RCOR1: variants seen among roughly 807,000 people sequenced by gnomAD.
The protein encoded by RCOR1 is REST corepressor.
In RCOR1, 12 loss-of-function variants were observed where a neutral mutation model predicts 64.0. The observed-to-expected ratio is 0.19, with a 90% CI of 0.12 to 0.30. The LOEUF is 0.30. RCOR1 is among the 10% of genes least tolerant of loss of function. RCOR1 has a pLI of 1.00. For missense variants in RCOR1, 502 were observed against 621.2 expected, an observed-to-expected ratio of 0.81 and a Z score of 2.04; for synonymous variants, 279 against 227.2, an observed-to-expected ratio of 1.23 and a Z score of -2.05.
chr14:102,714,650 A>G (rs1896029345), intron 8 of RCOR1, 33 bp downstream of exon 8: 1 of 1,499,184 alleles, frequency 6.7e-7, no homozygotes, highest in South Asian at 1.2e-5. Flanking sequence ...ATGTAAAAGA[A>G]TTAATTAGCA....
intron 2 of RCOR1, among the ~76,000 whole-genome samples, chr14:102,664,858 C>A (rs992337478): frequency 6.6e-6 from 1 of 152,120 alleles, no homozygotes; most frequent in Non-Finnish European, 1.5e-5. Flanking sequence ...GTATTAAGTA[C>A]AGGCAGTTCT....
rs1257192280 is a variant in RCOR1 at position 102,592,682 on chromosome 14, A to G, written c.-205A>G. ...TGAAGTGAGGGCGGCGATGAGAGCG[A>G]AAGTTGCGCTCGGCTCGTCGCTGGG... On this transcript the variant is annotated 5_prime_UTR_variant, in exon 1 of 12. Transcript: ENST00000262241. The G allele has an allele frequency of 9.0e-6, 11 of 1,223,592 alleles. No individual in the cohort carries two copies. The highest frequency in any genetic ancestry group is 8.3e-5 in the South Asian group (2 of 24,172). The allele number at this position is 1,223,592 out of a possible 1,614,324, so 75.8% of individuals were successfully genotyped here.
chr14:102,629,526 C>T (rs919185945), intron 2 of RCOR1, among the ~76,000 whole-genome samples: 1 of 149,932 alleles, frequency 6.7e-6, no homozygotes, highest in Non-Finnish European at 1.5e-5. Flanking sequence ...TTTAAAAATA[C>T]GGACGGAATT....
intron 2 of RCOR1, among the ~76,000 whole-genome samples, chr14:102,658,138 C>A (rs999983146): frequency 1.2e-4 from 18 of 151,970 alleles, no homozygotes; most frequent in African/African-American, 4.4e-4. Context: ...CCACACCCAG[C>A]TAATTTTTGT....
chr14:102,692,024 A>C (rs1045594743), intron 3 of RCOR1, among the ~76,000 whole-genome samples: 1 of 152,206 alleles, frequency 6.6e-6, no homozygotes, highest in African/African-American at 2.4e-5. Context: ...TTTGCTCCAC[A>C]TCCTCTCCAA....
At chr14:102,622,006 C>T (rs1236151621) in intron 2 of RCOR1, among the ~76,000 whole-genome samples, 1 of 152,146 alleles carries the variant, frequency 6.6e-6, no homozygotes, top group Non-Finnish European at 1.5e-5. Flanking sequence ...AATACGAAGG[C>T]AGACAACTGG....
At chr14:102,651,775 A>G (rs1446676854) in intron 2 of RCOR1, among the ~76,000 whole-genome samples, 1 of 152,132 alleles carries the variant, frequency 6.6e-6, no homozygotes, top group Non-Finnish European at 1.5e-5. Flanking sequence ...GCACCATCAT[A>G]GCTCACTACT....
intron 2 of RCOR1, among the ~76,000 whole-genome samples, chr14:102,608,388 T>C (rs1893559745): frequency 6.6e-6 from 1 of 152,160 alleles, no homozygotes. Context: ...TATTGGTACT[T>C]TCTGTGCTTC....
At chr14:102,623,102 T>G (rs962047168) in intron 2 of RCOR1, among the ~76,000 whole-genome samples, 2 of 152,194 alleles carry the variant, frequency 1.3e-5, no homozygotes, top group African/African-American at 4.8e-5. Context: ...CATCCACATC[T>G]TAAAAGCACA....
At chr14:102,640,164 A>G (rs1231043696) in intron 2 of RCOR1, among the ~76,000 whole-genome samples, 2 of 151,410 alleles carry the variant, frequency 1.3e-5, no homozygotes, top group African/African-American at 4.9e-5. Flanking sequence ...TGTATTTTTT[A>G]TTTGAGTTTG....
At chr14:102,701,884 C>T (rs1045902864) in intron 4 of RCOR1, among the ~76,000 whole-genome samples, 2 of 152,126 alleles carry the variant, frequency 1.3e-5, no homozygotes, top group African/African-American at 2.4e-5. Flanking sequence ...CACACCACCA[C>T]GCCTGGCTAA....
At chr14:102,646,540 A>G (rs183446556) in intron 2 of RCOR1, among the ~76,000 whole-genome samples, 1 of 152,228 alleles carries the variant, frequency 6.6e-6, no homozygotes, top group Non-Finnish European at 1.5e-5. Context: ...TTGCAGGACA[A>G]ATTTTCAATA....
chr14:102,603,321 T>C (rs1411926279), intron 2 of RCOR1, among the ~76,000 whole-genome samples: 1 of 151,980 alleles, frequency 6.6e-6, no homozygotes, highest in African/African-American at 2.4e-5. Context: ...ATTTATTTTT[T>C]ATTTGTTTAT....
At chr14:102,670,273 G>A (rs1349683866) in intron 2 of RCOR1, among the ~76,000 whole-genome samples, 1 of 152,088 alleles carries the variant, frequency 6.6e-6, no homozygotes, top group African/African-American at 2.4e-5. Context: ...TTTTTAAAAA[G>A]CTTTATTTAT....
chr14:102,690,447 C>G (rs1483194025), intron 3 of RCOR1, among the ~76,000 whole-genome samples: 2 of 151,992 alleles, frequency 1.3e-5, no homozygotes, highest in African/African-American at 4.8e-5. Context: ...AAAAATTAAC[C>G]AGTCATGATG....
At chr14:102,664,686 T>C (rs1894883577) in intron 2 of RCOR1, among the ~76,000 whole-genome samples, 1 of 152,204 alleles carries the variant, frequency 6.6e-6, no homozygotes, top group South Asian at 2.1e-4. Flanking sequence ...ATACTCCCTT[T>C]CTAAAATTTT....
intron 2 of RCOR1, chr14:102,658,776 A>G (rs898426255): frequency 2.8e-6 from 1 of 352,408 alleles, no homozygotes; most frequent in Non-Finnish European, 4.0e-6. Flanking sequence ...AGGTTACTGT[A>G]TGCATTGCAT....
intron 2 of RCOR1, among the ~76,000 whole-genome samples, chr14:102,600,090 T>C (rs1452031277): frequency 6.6e-6 from 1 of 152,016 alleles, no homozygotes; most frequent in Non-Finnish European, 1.5e-5. Flanking sequence ...ATTATTATTA[T>C]TTTTTTGAGA....
Position 102,614,445 on chromosome 14 carries a change from C to T in RCOR1, c.361+21120C>T, listed in dbSNP as rs181609951. Among the ~76,000 whole-genome samples the T allele has an allele frequency of 3.3e-5, 5 of 150,460 alleles. No homozygotes were observed. In the East Asian group the frequency reaches 8.1e-4, roughly 24 times the overall value. On this transcript the variant is annotated intron_variant, in intron 2 of 11. Coordinates refer to ENST00000262241, the MANE Select transcript of RCOR1 (RefSeq NM_015156.4). The stretch of plus-strand genomic sequence containing the variant: ...TTCACCACGTTAGCCAGCATGGTCT[C>T]GATCTCTTGACCTCGTGATCCGCCC...
Sources: allele counts gnomAD v4.1 joint callset (sites outside exome capture counted in the v4.1 genomes callset), GRCh38; gene constraint gnomAD v4.1.1; transcripts MANE v1.5; gene names NCBI Gene and HGNC (gene_info 2026-07-23, HGNC 2026-07-21).